ACTR8: variants seen among roughly 807,000 people sequenced by gnomAD.
The protein encoded by ACTR8 is actin related protein 8.
ACTR8 carries 70 observed loss-of-function variants against 84.3 expected under a neutral mutation model. The observed-to-expected ratio is 0.83, with a 90% CI of 0.68 to 1.01. The LOEUF is 1.01. Ranked by LOEUF, ACTR8 falls within the 50% of genes least tolerant of loss-of-function variation. The pLI, the probability that ACTR8 is intolerant of heterozygous loss-of-function variation, is 0.00. For missense variants in ACTR8, 672 were observed against 775.4 expected (o/e 0.87, Z 1.58); for synonymous variants, 268 against 275.2 (o/e 0.97, Z 0.26).
intron 11 of ACTR8, 160 bp downstream of exon 11, chr3:53,871,072 C>A: frequency 3.0e-6 from 3 of 1,012,528 alleles, no homozygotes; most frequent in Non-Finnish European, 4.2e-6. Flanking sequence ...CATCCTACTT[C>A]GTTAATGTAT....
intron 1 of ACTR8, 157 bp downstream of exon 1, chr3:53,881,822 C>T: frequency 1.6e-6 from 2 of 1,256,948 alleles, no homozygotes; most frequent in Admixed American, 2.3e-5. Flanking sequence ...CGTCCCGGCG[C>T]GCCACCACCC....
At position 53,879,911 on chromosome 3, in the gene ACTR8, C is replaced by T. The variant is rs199525534; in HGVS notation, c.294+28G>A. 61 of 1,586,760 alleles carry T rather than the reference C, an allele frequency of 3.8e-5. No individual in the cohort carries two copies. In the East Asian group the frequency reaches 1.4e-3, roughly 36 times the overall value. ...GCCCTCCCAGGGAAACAACCTTAGGCTTTCTCTCCAGGTCGTTTTTGACTT... is the reference window on the plus strand; with the variant it reads ...GCCCTCCCAGGGAAACAACCTTAGGTTTTCTCTCCAGGTCGTTTTTGACTT... On this transcript the variant is annotated intron_variant, in intron 2 of 12. Transcript: ENST00000335754.
intron 6 of ACTR8, 37 bp from the exon 7 acceptor site, chr3:53,876,117 C>T: frequency 6.2e-7 from 1 of 1,610,892 alleles, no homozygotes; most frequent in South Asian, 1.1e-5. Context: ...TAGTCATTAG[C>T]TGTAGCACGG....
At position 53,868,578 on chromosome 3, in the gene ACTR8, C is replaced by G; in HGVS notation, c.*141G>C. ...TTATATTTTCAAACCAATGTCATGT[C>G]CTCAACATAAAGTTCAAATTCATTT... On this transcript the variant is annotated 3_prime_UTR_variant, in exon 13 of 13. Transcript: ENST00000335754. 1 of 1,294,324 alleles carries G rather than the reference C, an allele frequency of 7.7e-7. No individual in the cohort carries two copies. The highest frequency in any genetic ancestry group is 1.0e-6 in the Non-Finnish European group (1 of 955,306). The allele number at this position is 1,294,324 out of a possible 1,614,324, so 80.2% of individuals were successfully genotyped here. A position where few individuals can be genotyped will look rare whatever the true frequency, so the allele number is the denominator to read the frequency against.
At chr3:53,865,045 A>G (rs1363890352), downstream of ACTR8, 9 of 1,614,116 alleles carry the variant, frequency 5.6e-6, no homozygotes, top group Non-Finnish European at 7.6e-6. Context: ...GGGCAGTCCC[A>G]GTGAGAACTC....
downstream of ACTR8, chr3:53,865,012 G>A (rs745502642): frequency 5.0e-6 from 8 of 1,614,174 alleles, no homozygotes; most frequent in South Asian, 1.1e-5. Context: ...CAGTGTGTGC[G>A]ATGGTACCTG....
At chr3:53,877,184 C>T (rs2107069154) in intron 5 of ACTR8, 30 bp downstream of exon 5, 2 of 1,556,222 alleles carry the variant, frequency 1.3e-6, no homozygotes, top group South Asian at 2.4e-5. Context: ...ATCTTAAAAA[C>T]AATCCAAATA....
chr3:53,871,792 G>A lies in ACTR8; in HGVS notation c.1303-296C>T, dbSNP rs137969533. Among the ~76,000 whole-genome samples, 224 of 152,266 alleles carry A rather than the reference G, an allele frequency of 1.5e-3. 1 individual carries two copies. The highest frequency in any genetic ancestry group is 0.01 in the Middle Eastern group (3 of 294). ...CCAGTGCAGACAGACTTTCTTCCCC[G>A]TGCCCTGAGTTTTTAAATGGAGTAT... is the stretch of plus-strand genomic sequence containing the variant. On this transcript the variant is annotated intron_variant, in intron 10 of 12. Coordinates refer to ENST00000335754, the MANE Select transcript of ACTR8 (RefSeq NM_022899.5).
At chr3:53,872,735 C>A (rs1209522411) in intron 9 of ACTR8, among the ~76,000 whole-genome samples, 1 of 152,158 alleles carries the variant, frequency 6.6e-6, no homozygotes. Flanking sequence ...TGATATGACA[C>A]CATATGAGAG....
Position 53,871,271 on chromosome 3 carries a change from C to G in ACTR8, c.1528G>C (p.Gly510Arg). 1 of 1,614,232 alleles carries G rather than the reference C, an allele frequency of 6.2e-7. No homozygotes were observed. Among genetic ancestry groups the G allele is most frequent in the Non-Finnish European group, 8.5e-7 (1 of 1,180,046 alleles). The change falls in exon 11 of 13, where the codon GGC (glycine) becomes CGC (arginine). Residue 510 changes from glycine (G) to arginine (R), a missense_variant. Physicochemically the swap from Gly to Arg is moderately radical, Grantham distance 125. Coordinates refer to ENST00000335754, the MANE Select transcript of ACTR8 (RefSeq NM_022899.5). ...CTATGGAGGATGGCTTTATCCAGGC[C>G]CAGGGCTTTTCCTTCAAACAGCGAG... ...AISLFEGKAL[G>R]LDKAILHSID...
chr3:53,875,681 C>T (rs1699954250), intron 7 of ACTR8, among the ~76,000 whole-genome samples: 1 of 152,234 alleles, frequency 6.6e-6, no homozygotes, highest in South Asian at 2.1e-4. Context: ...TACGTTTCCC[C>T]TATGGGAAAG....
intron 8 of ACTR8, 132 bp from the exon 9 acceptor site, chr3:53,873,259 C>A: frequency 1.9e-6 from 1 of 518,856 alleles, no homozygotes; most frequent in Non-Finnish European, 3.4e-6. Flanking sequence ...ACCACTCACA[C>A]TATAATTTAG....
the ACTR8 span, chr3:53,861,073 C>T: frequency 6.6e-6 from 1 of 152,154 alleles, no homozygotes; most frequent in Non-Finnish European, 1.5e-5. Flanking sequence ...TTGCAAGTAT[C>T]GACTTAAAAC....
chr3:53,865,574 C>G (rs3774626), downstream of ACTR8: 1 of 405,072 alleles, frequency 2.5e-6, no homozygotes, highest in African/African-American at 2.0e-5. Context: ...GATAATGCAA[C>G]AATAAAGCAT....
At chr3:53,879,604 T>C (rs547742561) in intron 2 of ACTR8, among the ~76,000 whole-genome samples, 1 of 152,344 alleles carries the variant, frequency 6.6e-6, no homozygotes, top group South Asian at 2.1e-4. Flanking sequence ...AAACTGTAAG[T>C]ATCTGAAAGA....
At position 53,877,745 on chromosome 3, in the gene ACTR8, A is replaced by G; in HGVS notation, c.412T>C (p.Ser138Pro). The part of the protein sequence containing the change: ...RIPVSPEQAR[S>P]YNKQMRPAIL... ...GCAGGTCGCATCTGCTTATTGTAGG[A>G]GCGTGCCTGAAAAGAAAAACCATCA... The change falls in exon 4 of 13, where the codon TCC (serine) becomes CCC (proline). Residue 138 changes from serine to proline, a missense_variant. Ser to Pro is a moderately conservative substitution (Grantham distance 74). Transcript: ENST00000335754. 1.9e-6 allele frequency: 3 copies of G among 1,613,796 alleles called. No homozygotes were observed. Among genetic ancestry groups the G allele is most frequent in the East Asian group, 4.5e-5 (2 of 44,872 alleles).
Position 53,877,275 on chromosome 3 carries a change from A to T in ACTR8, c.623T>A (p.Ile208Asn). 3.7e-6 allele frequency: 6 copies of T among 1,614,064 alleles called. No homozygotes were observed. Among genetic ancestry groups the T allele is most frequent in the Non-Finnish European group, 5.1e-6 (6 of 1,179,996 alleles). Reference protein sequence around the residue: ...GGSLTAVLADIEVIWSHAIQK... With the variant: ...GGSLTAVLADNEVIWSHAIQK... ...TATCGCATGAGACCATATTACTTCA[A>T]TATCTGCCAGAACAGCTGTAAGAGA... The change falls in exon 5 of 13, where the codon ATT (isoleucine) becomes AAT (asparagine). Residue 208 changes from isoleucine to asparagine, a missense_variant. Transcript: ENST00000335754.
At chr3:53,865,007 T>G (rs755066477), downstream of ACTR8, 2 of 1,614,066 alleles carry the variant, frequency 1.2e-6, no homozygotes, top group South Asian at 2.2e-5. Context: ...GTCAACAGTG[T>G]GTGCGATGGT....
chr3:53,876,747 CTCAAG>C (rs1405152310), intron 5 of ACTR8, 34 bp from the exon 6 acceptor site: 6 of 1,223,384 alleles, frequency 4.9e-6, no homozygotes, highest in Non-Finnish European at 5.8e-6. Flanking sequence ...AGGGTTAGCA[CTCAAG>C]TCTAGTCAGG....
Sources: allele counts gnomAD v4.1 joint callset (sites outside exome capture counted in the v4.1 genomes callset), GRCh38; gene constraint gnomAD v4.1.1; transcripts MANE v1.5; gene names NCBI Gene and HGNC (gene_info 2026-07-23, HGNC 2026-07-21).